RGS13: variants seen among roughly 807,000 people sequenced by gnomAD.
RGS13 encodes regulator of G protein signaling 13, also known as regulator of G-protein signalling 13.
RGS13 carries 14 observed loss-of-function variants against 19.9 expected under a neutral mutation model. The ratio of observed to expected loss-of-function variants is 0.70; its 90% confidence interval spans 0.46 to 1.10. The LOEUF (loss-of-function observed/expected upper bound fraction) is 1.10, where lower values mean the gene tolerates loss of function less well. RGS13 is among the 50% of genes least tolerant of loss of function. The pLI is 0.00. For missense variants in RGS13, 205 were observed against 187.1 expected (o/e 1.10, Z -0.56); for synonymous variants, 60 against 56.8 (o/e 1.06, Z -0.25).
chr1:192,659,456 C>T lies in RGS13; in HGVS notation c.413C>T (p.Pro138Leu), dbSNP rs751274843. The T allele has an allele frequency of 6.2e-7, 1 of 1,612,712 alleles. No individual in the cohort carries two copies. Among genetic ancestry groups the T allele is most frequent in the South Asian group, 1.1e-5 (1 of 90,960 alleles). ...ATGCATATGGAAAGGGATTCCTACCCCAGATTTCTAAAGTCAGAAATGTAC... is the reference window on the plus strand; with the variant it reads ...ATGCATATGGAAAGGGATTCCTACCTCAGATTTCTAAAGTCAGAAATGTAC... ...VYMHMERDSYPRFLKSEMYQK... is the reference protein window; with the variant it reads ...VYMHMERDSYLRFLKSEMYQK... Residue 138 changes from proline (P) to leucine (L), a missense_variant, in exon 7 of 7, where the codon CCC (proline) becomes CTC (leucine). Transcript: ENST00000391995.
chr1:192,641,218 AAGAG>A (rs1156903955), intron 3 of RGS13, among the ~76,000 whole-genome samples: 32 of 60,042 alleles, frequency 5.3e-4, no homozygotes, highest in East Asian at 2.0e-3. Context: ...GAAAGAAAGA[AAGAG>A]AGAAAGAAAG....
At chr1:192,645,675 G>C (rs1043975755) in intron 4 of RGS13, 4 of 152,002 alleles carry the variant, frequency 2.6e-5, no homozygotes, top group Non-Finnish European at 5.9e-5. Flanking sequence ...CAGGAAAAAA[G>C]GTATTTCAAA....
chr1:192,653,957 T>TG (rs1433665300), intron 5 of RGS13, among the ~76,000 whole-genome samples: 1 of 140,124 alleles, frequency 7.1e-6, no homozygotes, highest in Non-Finnish European at 1.5e-5. Flanking sequence ...TGTCATGGGG[T>TG]GGGGGGAGCG....
At chr1:192,656,345 GT>G (rs10544389) in intron 5 of RGS13, among the ~76,000 whole-genome samples, 2,560 of 141,092 alleles carry the variant, frequency 0.018, 38 homozygotes, top group African/African-American at 0.035. Context: ...TTAACATTCT[GT>G]TTTTTTTTTT....
chr1:192,651,565 T>C (rs1663337744), intron 5 of RGS13, among the ~76,000 whole-genome samples: 1 of 151,860 alleles, frequency 6.6e-6, no homozygotes, highest in African/African-American at 2.4e-5. Context: ...TGGAGATACT[T>C]ATAAGAAAAA....
chr1:192,644,422 TG>T, intron 4 of RGS13, 23 bp downstream of exon 4: 1 of 1,525,152 alleles, frequency 6.6e-7, no homozygotes, highest in Non-Finnish European at 9.1e-7. Context: ...TAAGTTTCTA[TG>T]GTAATTGTAA....
At chr1:192,655,365 C>T (rs1663419379) in intron 5 of RGS13, among the ~76,000 whole-genome samples, 1 of 152,106 alleles carries the variant, frequency 6.6e-6, no homozygotes, top group African/African-American at 2.4e-5. Flanking sequence ...TAGTGATTTA[C>T]ATTAATAAAG....
chr1:192,638,833 T>C (rs1198481172), intron 3 of RGS13, among the ~76,000 whole-genome samples: 1 of 152,140 alleles, frequency 6.6e-6, no homozygotes, highest in Non-Finnish European at 1.5e-5. Context: ...GACATTATAT[T>C]CTATTTGTAT....
Position 192,656,392 on chromosome 1 carries a change from C to T in RGS13, c.128-1809C>T, listed in dbSNP as rs531670169. ...ATTTGTTTGTTTGTTTTTTGGTTTG[C>T]CACCATTCAGCTGTCTCTTTAGGAA... On this transcript the variant is annotated intron_variant, in intron 5 of 6. Transcript: ENST00000391995. 2.7e-5 allele frequency among the ~76,000 whole-genome samples: 4 copies of T among 150,936 alleles called. No individual in the cohort carries two copies. The South Asian group carries it at 6.3e-4, about 24-fold the overall frequency.
intron 3 of RGS13, among the ~76,000 whole-genome samples, chr1:192,643,899 G>A (rs1469750135): frequency 6.6e-6 from 1 of 152,118 alleles, no homozygotes; most frequent in African/African-American, 2.4e-5. Context: ...GCTGCAGTGA[G>A]CCATGATCAT....
rs1224577524 is a variant in RGS13, at chr1:192,641,292, AAG to A, written c.-4-3037_-4-3036del. Among the ~76,000 whole-genome samples, 8 of 120,518 alleles carry A rather than the reference AAG, an allele frequency of 6.6e-5. 1 individual carries two copies. The South Asian group carries it at 2.3e-3, about 35-fold the overall frequency. 79.1% of individuals were successfully genotyped at this position (120,518 alleles called of 152,430 possible). Reference sequence around the variant, plus strand: ...AAAGAAAGAAAGAAAGAAAGAAAGAAAGAAAGAAAGAAAGAAAAGAAAGAAAG... The same window carrying A: ...AAAGAAAGAAAGAAAGAAAGAAAGAAAAAGAAAGAAAGAAAAGAAAGAAAG... On this transcript the variant is annotated intron_variant, in intron 3 of 6. Coordinates refer to ENST00000391995, the MANE Select transcript of RGS13 (RefSeq NM_002927.5).
chr1:192,659,209 TA>T, intron 6 of RGS13, 128 bp from the exon 7 acceptor site: 2 of 581,618 alleles, frequency 3.4e-6, no homozygotes, highest in Non-Finnish European at 5.8e-6. Context: ...TAGATGCCTA[TA>T]AAACTACAAA....
At chr1:192,653,455 TA>T (rs1663380230) in intron 5 of RGS13, among the ~76,000 whole-genome samples, 2 of 152,060 alleles carry the variant, frequency 1.3e-5, no homozygotes, top group South Asian at 4.2e-4. Context: ...ATCTTCAATC[TA>T]AAAATTCTAT....
At chr1:192,652,717 T>C (rs1663364867) in intron 5 of RGS13, among the ~76,000 whole-genome samples, 1 of 152,024 alleles carries the variant, frequency 6.6e-6, no homozygotes, top group Admixed American at 6.6e-5. Context: ...TCTTCACTTT[T>C]CAAGAGCCAC....
chr1:192,636,999 C>T (rs936638707), intron 1 of RGS13, among the ~76,000 whole-genome samples: 7 of 151,820 alleles, frequency 4.6e-5, no homozygotes, highest in Non-Finnish European at 8.8e-5. Flanking sequence ...GACAGAATTG[C>T]TTTAAGAAAA....
Position 192,659,698 on chromosome 1 carries a change from C to A in RGS13, c.*175C>A, listed in dbSNP as rs1663576218. ...TTCAAAAGCAATGGAATCTAGAATT[C>A]TTATAACATGAATAACAAAATGTAC... On this transcript the variant is annotated 3_prime_UTR_variant, in exon 7 of 7. Transcript: ENST00000391995. 1.8e-6 allele frequency: 1 copy of A among 564,174 alleles called. No individual in the cohort carries two copies. Among genetic ancestry groups the A allele is most frequent in the Non-Finnish European group, 3.1e-6 (1 of 321,838 alleles). The allele number at this position is 564,174 out of a possible 1,614,324, so 34.9% of individuals were successfully genotyped here.
At position 192,639,480 on chromosome 1, in the gene RGS13, A is replaced by C. The variant is rs1663067863; in HGVS notation, c.-5+1277A>C. Among the ~76,000 whole-genome samples the C allele has an allele frequency of 2.0e-5, 3 of 152,160 alleles. No individual in the cohort carries two copies. In the South Asian group the frequency reaches 6.2e-4, roughly 32 times the overall value. ...AATCGAAATATAGAAACATGGGAAC[A>C]ACAAAAATGAAGAGAAGGAGGATTT... On this transcript the variant is annotated intron_variant, in intron 3 of 6. Transcript: ENST00000391995.
chr1:192,653,700 A>G (rs1663384357), intron 5 of RGS13, among the ~76,000 whole-genome samples: 1 of 152,096 alleles, frequency 6.6e-6, no homozygotes, highest in Non-Finnish European at 1.5e-5. Flanking sequence ...AGAATGATAC[A>G]AAATTGCTTT....
chr1:192,638,782 T>C (rs1663056313), intron 3 of RGS13, among the ~76,000 whole-genome samples: 1 of 152,146 alleles, frequency 6.6e-6, no homozygotes, highest in Admixed American at 6.6e-5. Context: ...CACAATTCTG[T>C]CACTAAATAT....
Sources: allele counts gnomAD v4.1 joint callset (sites outside exome capture counted in the v4.1 genomes callset), GRCh38; gene constraint gnomAD v4.1.1; transcripts MANE v1.5; gene names NCBI Gene and HGNC (gene_info 2026-07-23, HGNC 2026-07-21).